The following PIK3R1 variants were observed in gnomAD, a reference collection of about 807,000 sequenced individuals.
PIK3R1 encodes phosphoinositide-3-kinase regulatory subunit 1.
In PIK3R1, 29 loss-of-function variants were observed where a neutral mutation model predicts 98.0. The observed-to-expected ratio is 0.30, with a 90% CI of 0.22 to 0.40. The LOEUF (loss-of-function observed/expected upper bound fraction) is 0.40. Among genes scored for constraint, PIK3R1 ranks in the 10% least tolerant of loss-of-function variants. PIK3R1 has a pLI of 1.00. For synonymous variants in PIK3R1, 282 were observed against 311.8 expected, an observed-to-expected ratio of 0.90 and a Z score of 1.01; for missense variants, 596 against 872.7, an observed-to-expected ratio of 0.68 and a Z score of 3.99.
In PIK3R1 at chr5:68,297,418, C is replaced by T. The variant is rs114163757; in HGVS notation, c.1992C>T (p.Asp664=). The change falls in exon 16 of 16, where the codon GAC becomes GAT. Residue 664 remains aspartate (D), a synonymous_variant. Transcript: ENST00000521381. ...TTTCTTCTCTCCTCTCTAGGGTGGA[C>T]GGCGAAGTAAAGCATTGTGTCATAA... ...QGCYACSVVV[D]GEVKHCVINK... is the part of the protein sequence containing the mutation. 118 of 1,612,304 alleles carry T rather than the reference C, an allele frequency of 7.3e-5. No homozygotes were observed. Among genetic ancestry groups the T allele is most frequent in the East Asian group, 1.6e-4 (7 of 44,874 alleles).
Position 68,298,136 on chromosome 5 carries a change from G to C in PIK3R1, c.*535G>C, listed in dbSNP as rs1453742858. On this transcript the variant is annotated 3_prime_UTR_variant, in exon 16 of 16. Transcript: ENST00000521381. ...CAAATGAACGATATGTAGCAGAAAG[G>C]CACGTCCACTCACAAGGGACGCTTT... 1 of 231,024 alleles carries C rather than the reference G, an allele frequency of 4.3e-6. No individual in the cohort carries two copies. Among genetic ancestry groups the C allele is most frequent in the Non-Finnish European group, 8.6e-6 (1 of 116,506 alleles). 14.3% of individuals were successfully genotyped at this position (231,024 alleles called of 1,614,324 possible).
At position 68,293,078 on chromosome 5, in the gene PIK3R1, A is replaced by G. The variant is rs375185507; in HGVS notation, c.1020-23A>G. 5 of 1,567,226 alleles carry G rather than the reference A, an allele frequency of 3.2e-6. No individual in the cohort carries two copies. In the African/African-American group the frequency reaches 4.1e-5, roughly 13 times the overall value. On this transcript the variant is annotated intron_variant, in intron 8 of 15. Coordinates refer to ENST00000521381, the MANE Select transcript of PIK3R1 (RefSeq NM_181523.3). ...GTGGTCACTAAACCTTAAGATGAGCATTGTTTTGTGTTTTCATTTCAGGGA... is the reference window on the plus strand; with the variant it reads ...GTGGTCACTAAACCTTAAGATGAGCGTTGTTTTGTGTTTTCATTTCAGGGA...
chr5:68,226,502 G>A lies in PIK3R1; in HGVS notation c.-174G>A, dbSNP rs916064274. On this transcript the variant is annotated 5_prime_UTR_variant, in exon 2 of 16. Transcript: ENST00000521381. ...ACCATTGATGGAGGACAGATGGACA[G>A]CCGTATGGCCAGTCACCTCTCCTCT... 4 of 587,810 alleles carry A rather than the reference G, an allele frequency of 6.8e-6. No individual in the cohort carries two copies. Among genetic ancestry groups the A allele is most frequent in the Non-Finnish European group, 6.0e-6 (2 of 333,882 alleles). The allele number at this position is 587,810 out of a possible 1,614,324, so 36.4% of individuals were successfully genotyped here. A position where few individuals can be genotyped will look rare whatever the true frequency, so the allele number is the denominator to read the frequency against.
intron 2 of PIK3R1, among the ~76,000 whole-genome samples, chr5:68,254,314 A>G (rs80123733): frequency 0.01 from 1,537 of 152,274 alleles, 31 homozygotes; most frequent in African/African-American, 0.035. Flanking sequence ...CTCTTCATCA[A>G]TTAGTATGGA....
intron 2 of PIK3R1, among the ~76,000 whole-genome samples, chr5:68,262,453 C>CAT (rs1167418962): frequency 3.5e-5 from 5 of 142,006 alleles, no homozygotes; most frequent in East Asian, 2.0e-4. Flanking sequence ...ATGTAGAATA[C>CAT]ATATATATAT....
chr5:68,216,254 A>G (rs1331810951), intron 1 of PIK3R1, among the ~76,000 whole-genome samples: 1 of 152,138 alleles, frequency 6.6e-6, no homozygotes, highest in East Asian at 1.9e-4. Context: ...GGAGTTGCCG[A>G]CGAGCTCGGG....
chr5:68,286,449 A>G (rs1483448511), intron 7 of PIK3R1, among the ~76,000 whole-genome samples: 1 of 152,222 alleles, frequency 6.6e-6, no homozygotes, highest in Non-Finnish European at 1.5e-5. Flanking sequence ...CGAAATATAC[A>G]GAAAGTTGAT....
intron 2 of PIK3R1, among the ~76,000 whole-genome samples, chr5:68,231,896 A>C (rs1387799650): frequency 6.6e-6 from 1 of 151,928 alleles, no homozygotes; most frequent in Admixed American, 6.6e-5. Context: ...TCTATCGACC[A>C]CTCTGTTTTT....
chr5:68,289,458 CTG>C (rs1214991275), intron 7 of PIK3R1, among the ~76,000 whole-genome samples: 1 of 151,886 alleles, frequency 6.6e-6, no homozygotes, highest in African/African-American at 2.4e-5. Flanking sequence ...TCAAGGGTTT[CTG>C]TGTTTTTTAA....
chr5:68,288,531 G>A, intron 7 of PIK3R1: 3 of 1,385,146 alleles, frequency 2.2e-6, no homozygotes, highest in Non-Finnish European at 2.8e-6. Context: ...GCCGAGCCAA[G>A]CGGAGCTGGG....
intron 2 of PIK3R1, among the ~76,000 whole-genome samples, chr5:68,251,744 T>C (rs1400021441): frequency 6.6e-6 from 1 of 152,174 alleles, no homozygotes; most frequent in African/African-American, 2.4e-5. Flanking sequence ...CTTCAGACTT[T>C]GCAAGTTTTT....
At chr5:68,248,360 A>T (rs1450039290) in intron 2 of PIK3R1, among the ~76,000 whole-genome samples, 1 of 152,214 alleles carries the variant, frequency 6.6e-6, no homozygotes, top group Non-Finnish European at 1.5e-5. Context: ...ACTTAGATTT[A>T]AATATAAAAC....
intron 2 of PIK3R1, among the ~76,000 whole-genome samples, chr5:68,231,835 C>A (rs80115583): frequency 0.016 from 2,424 of 152,258 alleles, 63 homozygotes; most frequent in African/African-American, 0.056. Flanking sequence ...TTGTTAAGCC[C>A]AAGTGATGGG....
intron 2 of PIK3R1, among the ~76,000 whole-genome samples, chr5:68,266,470 G>A (rs377404891): frequency 6.6e-6 from 1 of 152,238 alleles, no homozygotes; most frequent in East Asian, 1.9e-4. Context: ...TAATGAGAGG[G>A]AATATATTAA....
rs56930555 is a variant in PIK3R1, at chr5:68,235,872, A to ATT, written c.334+8873_334+8874dup. On this transcript the variant is annotated intron_variant, in intron 2 of 15. Transcript: ENST00000521381. ...CTCTTTGCTAATTATTCTGCCAGGC[A>ATT]TTTTTTTTTTTCTTTTTTTTTTGAA... Among the ~76,000 whole-genome samples, 97 of 146,706 alleles carry ATT rather than the reference A, an allele frequency of 6.6e-4. 1 individual carries two copies. In the East Asian group the frequency reaches 8.2e-3, roughly 12 times the overall value.
Position 68,293,827 on chromosome 5 carries a change from C to T in PIK3R1, c.1418C>T (p.Thr473Ile), listed in dbSNP as rs1343507252. 2 of 1,567,504 alleles carry T rather than the reference C, an allele frequency of 1.3e-6. No individual in the cohort carries two copies. Among genetic ancestry groups the T allele is most frequent in the Non-Finnish European group, 8.6e-7 (1 of 1,160,084 alleles). Reference protein sequence around the residue: ...YDRLYEEYTRTSQEIQMKRTA... With the variant: ...YDRLYEEYTRISQEIQMKRTA... The stretch of plus-strand genomic sequence containing the variant: ...AGATTATATGAAGAATATACCCGCA[C>T]ATCCCAGGTGAGTTTTCTATGAAAA... Residue 473 changes from threonine (T) to isoleucine (I), a missense_variant, in exon 11 of 16, where the codon ACA becomes ATA. Thr to Ile is a moderately conservative substitution (Grantham distance 89, BLOSUM62 -1). Around this residue, in one of 3 missense-constraint regions of PIK3R1, gnomAD observed 207 missense variants for 361.4 expected, o/e 0.57. Transcript: ENST00000521381.
At chr5:68,283,627 A>G (rs1224519939) in intron 7 of PIK3R1, among the ~76,000 whole-genome samples, 1 of 152,252 alleles carries the variant, frequency 6.6e-6, no homozygotes, top group Non-Finnish European at 1.5e-5. Context: ...CAAAAGCAGT[A>G]CATATTTTAA....
intron 2 of PIK3R1, among the ~76,000 whole-genome samples, chr5:68,240,220 G>A (rs1180977042): frequency 6.6e-6 from 1 of 152,102 alleles, no homozygotes; most frequent in East Asian, 1.9e-4. Context: ...TGGGTACACT[G>A]TACAAATCTG....
intron 2 of PIK3R1, among the ~76,000 whole-genome samples, chr5:68,262,535 TAG>T (rs529845187): frequency 0.019 from 1,373 of 72,488 alleles, 42 homozygotes; most frequent in Middle Eastern, 0.082. Context: ...CATAGCTATA[TAG>T]ATACATATCT....
Sources: gnomAD v4.1 joint callset for allele counts (sites outside exome capture counted in the v4.1 genomes callset) on GRCh38, gnomAD v4.1.1 for gene constraint, gnomAD v4.1.1 regional missense constraint, MANE v1.5 for transcripts, NCBI Gene and HGNC (gene_info 2026-07-23, HGNC 2026-07-21) for gene names.